METTL3: variants seen among roughly 807,000 people sequenced by gnomAD.
The protein encoded by METTL3 is methyltransferase 3, N6-adenosine-methyltransferase complex catalytic subunit.
METTL3 carries 42 observed loss-of-function variants against 64.3 expected under a neutral mutation model. The ratio of observed to expected loss-of-function variants is 0.65; its 90% confidence interval spans 0.51 to 0.84. The LOEUF (loss-of-function observed/expected upper bound fraction) is 0.84, where lower values mean the gene tolerates loss of function less well. Among genes scored for constraint, METTL3 ranks in the 40% least tolerant of loss-of-function variants. METTL3 has a pLI of 0.00. For missense variants in METTL3, 435 were observed against 722.3 expected (o/e 0.60, Z 4.56); for synonymous variants, 256 against 263.6 (o/e 0.97, Z 0.28).
intron 4 of METTL3, 191 bp downstream of exon 4, chr14:21,501,533 CAGTT>C: frequency 1.5e-6 from 1 of 680,144 alleles, no homozygotes. Context: ...AAAAAAATCT[CAGTT>C]ATTTGGGAGT....
chr14:21,499,762 AC>A lies in METTL3; in HGVS notation c.1343+1del, dbSNP rs1566490645. 3 of 1,612,660 alleles carry A rather than the reference AC, an allele frequency of 1.9e-6. No individual in the cohort carries two copies. Among genetic ancestry groups the A allele is most frequent in the Non-Finnish European group, 2.5e-6 (3 of 1,178,794 alleles). On this transcript the variant is annotated splice_donor_variant, in intron 7 of 10. Transcript: ENST00000298717. LOFTEE classifies it high-confidence loss of function. ...AAAGAAAGCAACACAACCACTACTT[AC>A]CCCCAGAGGTTTAGACATTCTCTCC...
rs1238794075 is a variant in METTL3, at chr14:21,503,656, G to C, written c.318+8C>G. 1 of 1,614,162 alleles carries C rather than the reference G, an allele frequency of 6.2e-7. No homozygotes were observed. ...AAGTGGTAAATCCTAACTCTGTCAG[G>C]TCATTACCGTGGAGATGGCAAGACA... On this transcript the variant is annotated splice_region_variant and intron_variant, in intron 2 of 10. Transcript: ENST00000298717.
Position 21,499,579 on chromosome 14 carries a change from A to G in METTL3, c.1365T>C (p.Ile455=). Residue 455 remains isoleucine, a synonymous_variant, in exon 8 of 11, where the codon ATT becomes ATC. Coordinates refer to ENST00000298717, the MANE Select transcript of METTL3 (RefSeq NM_019852.5). ...GCAGTTGATTTGTCTTCACCCAAAT[A>G]ATTTCATCTACCCGTTCATACCTGT... ...NLWGYERVDE[I]IWVKTNQLQR... is the part of the protein sequence containing the mutation. The G allele has an allele frequency of 6.2e-7, 1 of 1,614,144 alleles. No homozygotes were observed. Among genetic ancestry groups the G allele is most frequent in the East Asian group, 2.2e-5 (1 of 44,888 alleles).
Position 21,506,511 on chromosome 14 carries a change from G to A in METTL3, c.101-2630C>T, listed in dbSNP as rs142610889. 2.6e-5 allele frequency among the ~76,000 whole-genome samples: 4 copies of A among 152,190 alleles called. No homozygotes were observed. The East Asian group carries it at 5.8e-4, about 22-fold the overall frequency. On this transcript the variant is annotated intron_variant, in intron 1 of 10. Coordinates refer to ENST00000298717, the MANE Select transcript of METTL3 (RefSeq NM_019852.5). ...GGAGCTTGCAGTGAGCCGAGATCGC[G>A]CTACTGCACTCCAGCCTGGGTGACA...
chr14:21,500,901 G>A lies in METTL3; in HGVS notation c.1116+12C>T, dbSNP rs1891551947. ...CCGTAAGTTGAGACGAGTTTTCTGA[G>A]CAGACAGGTACCTGAGGTGGGAAGA... On this transcript the variant is annotated intron_variant, in intron 5 of 10. Coordinates refer to ENST00000298717, the MANE Select transcript of METTL3 (RefSeq NM_019852.5). The A allele has an allele frequency of 6.2e-7, 1 of 1,609,422 alleles. No homozygotes were observed. Among genetic ancestry groups the A allele is most frequent in the Admixed American group, 1.7e-5 (1 of 59,636 alleles).
chr14:21,505,295 AAGTG>A (rs369450975), intron 1 of METTL3, among the ~76,000 whole-genome samples: 6 of 152,318 alleles, frequency 3.9e-5, no homozygotes, highest in African/African-American at 1.2e-4. Flanking sequence ...TTGAGTAATT[AAGTG>A]AGTGAGAAAA....
Position 21,503,876 on chromosome 14 carries a change from G to A in METTL3, c.106C>T (p.Arg36Trp), listed in dbSNP as rs139460746. ...GGAGACAATGCTGCCTCTGGATTCC[G>A]TAGATCTAAGAATGAAGAGAAGTGA... ...RKQDSGHLDLRNPEAALSPTF... is the reference protein window; with the variant it reads ...RKQDSGHLDLWNPEAALSPTF... The change falls in exon 2 of 11, where the codon CGG (arginine) becomes TGG (tryptophan). Residue 36 changes from arginine to tryptophan, a missense_variant. Physicochemically the swap from Arg to Trp is moderately radical, Grantham distance 101. Transcript: ENST00000298717. 3.6e-3 allele frequency: 5,770 copies of A among 1,613,820 alleles called. 18 individuals are homozygous for A. Among genetic ancestry groups the A allele is most frequent in the Non-Finnish European group, 4.4e-3 (5,141 of 1,179,872 alleles).
Position 21,501,113 on chromosome 14 carries a change from GT to G in METTL3, c.915del (p.Lys305AsnfsTer7). 1 of 1,612,222 alleles carries G rather than the reference GT, an allele frequency of 6.2e-7. No individual in the cohort carries two copies. The highest frequency in any genetic ancestry group is 8.5e-7 in the Non-Finnish European group (1 of 1,178,796). On this transcript the variant is annotated frameshift_variant, in exon 5 of 11. Coordinates refer to ENST00000298717, the MANE Select transcript of METTL3 (RefSeq NM_019852.5). LOFTEE classifies it high-confidence loss of function. ...RKLHFRRIIN[K>X]HTDESLGDCS... ...CAGTCACCTAAAGACTCATCAGTGT[GT>G]TTATTGATAATTCGTCTGGGAAAAT...
chr14:21,498,686 T>A, intron 10 of METTL3: 1 of 476,252 alleles, frequency 2.1e-6, no homozygotes. Flanking sequence ...TAAGCTCTGT[T>A]AAGGGGTGAA....
chr14:21,503,170 T>TAC lies in METTL3; in HGVS notation c.723+1_723+2dup, dbSNP rs1566493230. On this transcript the variant is annotated splice_region_variant and intron_variant, in intron 3 of 10. Transcript: ENST00000298717. ...TGTGAGAGTATTTTCACATGACCCCTACCTTCTTGCTCTGTTGTTCCTTAG... is the reference window on the plus strand; with the variant it reads ...TGTGAGAGTATTTTCACATGACCCCTACACCTTCTTGCTCTGTTGTTCCTTAG... 1 of 1,605,206 alleles carries TAC rather than the reference T, an allele frequency of 6.2e-7. No individual in the cohort carries two copies. The highest frequency in any genetic ancestry group is 1.7e-5 in the Admixed American group (1 of 58,858).
At chr14:21,506,916 TACA>T (rs1357446394) in intron 1 of METTL3, among the ~76,000 whole-genome samples, 1 of 152,062 alleles carries the variant, frequency 6.6e-6, no homozygotes, top group Admixed American at 6.5e-5. Flanking sequence ...CTGTAGTACA[TACA>T]ACAAGCACCT....
intron 1 of METTL3, among the ~76,000 whole-genome samples, chr14:21,508,553 A>G (rs528041474): frequency 3.1e-4 from 47 of 152,338 alleles, no homozygotes; most frequent in Non-Finnish European, 6.6e-4. Flanking sequence ...ACCAAGAGCA[A>G]TTAGAATCAT....
In METTL3 at chr14:21,506,858, G is replaced by A. The variant is rs80256804; in HGVS notation, c.101-2977C>T. Among the ~76,000 whole-genome samples, 1,336 of 152,122 alleles carry A rather than the reference G, an allele frequency of 8.8e-3. 20 individuals carry two copies. Among genetic ancestry groups the A allele is most frequent in the African/African-American group, 0.031 (1,285 of 41,514 alleles). On this transcript the variant is annotated intron_variant, in intron 1 of 10. Transcript: ENST00000298717. ...GCAACATGGCAAAACCCTGTTGGGC[G>A]TTTTGCCCAAAAAATACTAAAAATT...
intron 1 of METTL3, 106 bp from the exon 2 acceptor site, chr14:21,503,987 G>T: frequency 1.9e-6 from 2 of 1,062,020 alleles, no homozygotes; most frequent in Non-Finnish European, 2.7e-6. Flanking sequence ...CTTTCATTTT[G>T]TGCAGGAAAT....
chr14:21,503,094 C>T (rs2139644929), intron 3 of METTL3, 79 bp downstream of exon 3: 2 of 1,463,038 alleles, frequency 1.4e-6, no homozygotes, highest in Admixed American at 2.1e-5. Flanking sequence ...TAAACAGTTC[C>T]TTGCCCTAGG....
chr14:21,505,799 G>T (rs915904908), intron 1 of METTL3, among the ~76,000 whole-genome samples: 1 of 152,170 alleles, frequency 6.6e-6, no homozygotes, highest in Non-Finnish European at 1.5e-5. Context: ...CCGCTCTGCT[G>T]CAACTACACT....
intron 4 of METTL3, 109 bp downstream of exon 4, chr14:21,501,619 C>T: frequency 7.0e-7 from 1 of 1,424,458 alleles, no homozygotes; most frequent in Non-Finnish European, 9.7e-7. Context: ...TTACACAAAC[C>T]ATAAACTAAA....
At chr14:21,501,162 G>A (rs761157976) in intron 4 of METTL3, 33 bp from the exon 5 acceptor site, 1 of 1,503,094 alleles carries the variant, frequency 6.7e-7, no homozygotes, top group South Asian at 1.1e-5. Flanking sequence ...TCAAGATGGT[G>A]CTCCAGATGT....
At chr14:21,503,998 T>G in intron 1 of METTL3, 117 bp from the exon 2 acceptor site, 1 of 908,156 alleles carries the variant, frequency 1.1e-6, no homozygotes, top group Non-Finnish European at 1.6e-6. Flanking sequence ...TGCAGGAAAT[T>G]CTGTGACCAA....
Sources: gnomAD v4.1 joint callset for allele counts (sites outside exome capture counted in the v4.1 genomes callset) on GRCh38, gnomAD v4.1.1 for gene constraint, MANE v1.5 for transcripts, NCBI Gene and HGNC (gene_info 2026-07-23, HGNC 2026-07-21) for gene names.